The following XKR9 variants were observed in gnomAD, a reference collection of about 807,000 sequenced individuals.
XKR9 encodes XK related 9.
In XKR9, 32 loss-of-function variants were observed where a neutral mutation model predicts 32.0. The observed-to-expected ratio is 1.00, with a 90% CI of 0.76 to 1.34. The LOEUF is 1.34. Ranked by LOEUF, XKR9 falls within the 40% of genes most tolerant of loss-of-function variation. XKR9 has a pLI of 0.00. For synonymous variants in XKR9, 168 were observed against 143.4 expected, an observed-to-expected ratio of 1.17 and a Z score of -1.22; for missense variants, 546 against 429.7, an observed-to-expected ratio of 1.27 and a Z score of -2.39.
At chr8:70,733,328 T>A (rs1806735261) in intron 4 of XKR9, among the ~76,000 whole-genome samples, 1 of 151,804 alleles carries the variant, frequency 6.6e-6, no homozygotes, top group Non-Finnish European at 1.5e-5. Context: ...CCCCTCCTCC[T>A]CTCCTTCCCT....
the XKR9 span, among the ~76,000 whole-genome samples, chr8:71,013,006 A>C: frequency 6.6e-6 from 1 of 152,180 alleles, no homozygotes; most frequent in African/African-American, 2.4e-5. Context: ...GCTTGTGTTT[A>C]ACCCCACCCT....
At chr8:70,786,110 A>G (rs535240570) in intron 2 of XKR9, among the ~76,000 whole-genome samples, 1 of 152,098 alleles carries the variant, frequency 6.6e-6, no homozygotes, top group African/African-American at 2.4e-5. Flanking sequence ...ATTGATTTCT[A>G]TTTTTATAAC....
the XKR9 span, among the ~76,000 whole-genome samples, chr8:70,945,212 G>A: frequency 1.3e-5 from 2 of 152,154 alleles, no homozygotes; most frequent in Admixed American, 1.3e-4. Flanking sequence ...ATATCTTCAT[G>A]TTTTGTTATG....
chr8:70,849,528 C>T, the XKR9 span, among the ~76,000 whole-genome samples: 2 of 152,012 alleles, frequency 1.3e-5, no homozygotes, highest in African/African-American at 4.8e-5. Context: ...TATCTAAAAT[C>T]GACACCCTAA....
chr8:70,902,934 G>A, the XKR9 span, among the ~76,000 whole-genome samples: 16 of 152,186 alleles, frequency 1.1e-4, no homozygotes, highest in East Asian at 2.9e-3. Flanking sequence ...TTATATGATG[G>A]ATTATGTGTA....
At chr8:70,723,078 T>G (rs1806336984) in intron 4 of XKR9, among the ~76,000 whole-genome samples, 1 of 152,066 alleles carries the variant, frequency 6.6e-6, no homozygotes, top group South Asian at 2.1e-4. Flanking sequence ...TTCCTTCTGC[T>G]TGATTGATTT....
Position 70,735,866 on chromosome 8 carries a change from T to A in XKR9, c.*1442T>A, listed in dbSNP as rs1806850400. The A allele has an allele frequency of 6.6e-6, 1 of 152,054 alleles. No homozygotes were observed. Among genetic ancestry groups the A allele is most frequent in the African/African-American group, 2.4e-5 (1 of 41,370 alleles). 9.4% of individuals were successfully genotyped at this position (152,054 alleles called of 1,614,324 possible). On this transcript the variant is annotated 3_prime_UTR_variant, in exon 5 of 5. Coordinates refer to ENST00000408926, the MANE Select transcript of XKR9 (RefSeq NM_001011720.2). ...ATTTTCTTAATCCAGTCTATTGTTG[T>A]TGGACATTTGGGTTGGTTCCAAGTC...
the XKR9 span, among the ~76,000 whole-genome samples, chr8:71,010,465 A>G: frequency 6.6e-6 from 1 of 152,190 alleles, no homozygotes; most frequent in South Asian, 2.1e-4. Flanking sequence ...TATGCAACAT[A>G]GGATGTTGTG....
chr8:70,804,625 G>A, the XKR9 span, among the ~76,000 whole-genome samples: 4 of 152,036 alleles, frequency 2.6e-5, no homozygotes, highest in Non-Finnish European at 1.5e-5. Flanking sequence ...GATAACACAG[G>A]GCGAAAAAAT....
chr8:70,803,253 G>A, the XKR9 span, among the ~76,000 whole-genome samples: 2 of 152,122 alleles, frequency 1.3e-5, no homozygotes, highest in Non-Finnish European at 1.5e-5. Flanking sequence ...ATTTGTGATT[G>A]TATTATGAAA....
chr8:71,021,285 A>G, the XKR9 span, among the ~76,000 whole-genome samples: 2 of 152,100 alleles, frequency 1.3e-5, no homozygotes, highest in African/African-American at 2.4e-5. Flanking sequence ...AGTGATGCAG[A>G]GCATTTTTTC....
the XKR9 span, among the ~76,000 whole-genome samples, chr8:70,970,262 G>A: frequency 2.0e-5 from 3 of 152,188 alleles, no homozygotes; most frequent in Non-Finnish European, 4.4e-5. Flanking sequence ...ATACCTCGTA[G>A]TGGGATTGCT....
At chr8:70,815,939 T>C in the XKR9 span, among the ~76,000 whole-genome samples, 157 of 152,306 alleles carry the variant, frequency 1.0e-3, 1 homozygote, top group Middle Eastern at 6.8e-3. Flanking sequence ...TTATGAATAG[T>C]GCTGCAGTGT....
chr8:70,806,280 C>G, the XKR9 span, among the ~76,000 whole-genome samples: 1 of 152,070 alleles, frequency 6.6e-6, no homozygotes, highest in African/African-American at 2.4e-5. Context: ...AGCCTCAAAT[C>G]GAAACTACAC....
rs1282059304 is a variant in XKR9, at chr8:70,707,100, T to G, written c.440T>G (p.Leu147Arg). The change falls in exon 4 of 5, where the codon CTT (leucine) becomes CGT (arginine). Residue 147 changes from leucine (L) to arginine (R), a missense_variant. By Grantham distance (102) the Leu-to-Arg change is moderately radical. Coordinates refer to ENST00000408926, the MANE Select transcript of XKR9 (RefSeq NM_001011720.2). ...ACCTACCTGGAAGGCTGCCCACAAC[T>G]TATTCTTCAACTCTACATTCTTCTG... ...FETYLEGCPQ[L>R]ILQLYILLEH... The G allele has an allele frequency of 1.2e-6, 2 of 1,613,420 alleles. No individual in the cohort carries two copies. Among genetic ancestry groups the G allele is most frequent in the African/African-American group, 1.3e-5 (1 of 75,016 alleles).
chr8:70,919,413 G>T, the XKR9 span, among the ~76,000 whole-genome samples: 1 of 152,024 alleles, frequency 6.6e-6, no homozygotes, highest in Non-Finnish European at 1.5e-5. Context: ...CTTTTTGCTT[G>T]CCAAGGGCAA....
chr8:70,915,769 A>T, the XKR9 span, among the ~76,000 whole-genome samples: 1 of 152,152 alleles, frequency 6.6e-6, no homozygotes, highest in Non-Finnish European at 1.5e-5. Context: ...ATATTTTGAG[A>T]TGGGTATTCA....
At chr8:70,792,835 C>T (rs931291470), downstream of XKR9, among the ~76,000 whole-genome samples, 2 of 152,076 alleles carry the variant, frequency 1.3e-5, no homozygotes, top group African/African-American at 2.4e-5. Context: ...GCCTTTCTAC[C>T]GTGTGAGAAC....
At chr8:70,685,903 A>G (rs1819260012) in intron 3 of XKR9, among the ~76,000 whole-genome samples, 1 of 150,924 alleles carries the variant, frequency 6.6e-6, no homozygotes, top group African/African-American at 2.4e-5. Context: ...AAAAAAAATT[A>G]TATTTAAATA....
Sources: gnomAD v4.1 joint callset for allele counts (sites outside exome capture counted in the v4.1 genomes callset) on GRCh38, gnomAD v4.1.1 for gene constraint, MANE v1.5 for transcripts, NCBI Gene and HGNC (gene_info 2026-07-23, HGNC 2026-07-21) for gene names.